Variants in CSMD1 observed in about 807,000 individuals in gnomAD.
The protein encoded by CSMD1 is CUB and sushi domain-containing protein 1.
Under a neutral mutation model 417.5 loss-of-function variants are expected in CSMD1, and 213 were observed. That is an observed-to-expected ratio of 0.51 (90% CI 0.46 to 0.57). CSMD1 has a LOEUF of 0.57. CSMD1 is among the 20% of genes least tolerant of loss of function. The probability of loss-of-function intolerance (pLI) is 0.00; values close to 1 mark genes in which losing one functional copy is unlikely to be tolerated. For synonymous variants in CSMD1, 2,862 were observed against 1,736.8 expected, an observed-to-expected ratio of 1.65 and a Z score of -16.11; for missense variants, 6,923 against 4,529.7, an observed-to-expected ratio of 1.53 and a Z score of -15.17.
chr8:4,556,636 T>C, intron 2 of CSMD1, among the ~76,000 whole-genome samples: 1 of 152,224 alleles, frequency 6.6e-6, no homozygotes, highest in South Asian at 2.1e-4. Flanking sequence ...TCCCATAAAG[T>C]GTTTAATAGG....
chr8:4,827,285 TG>T (rs1799889582), intron 1 of CSMD1, among the ~76,000 whole-genome samples: 1 of 152,136 alleles, frequency 6.6e-6, no homozygotes, highest in African/African-American at 2.4e-5. Flanking sequence ...TCATTACTCA[TG>T]TTTCAAGCAG....
rs868608300 is a variant in CSMD1, at chr8:3,524,508, G to C, written c.1345-30782C>G. Among the ~76,000 whole-genome samples the C allele has an allele frequency of 3.0e-5, 4 of 133,626 alleles. No individual in the cohort carries two copies. The South Asian group carries it at 1.1e-3, about 36-fold the overall frequency. The allele number at this position is 133,626 out of a possible 152,430, so 87.7% of individuals were successfully genotyped here. A position where few individuals can be genotyped will look rare whatever the true frequency, so the allele number is the denominator to read the frequency against. On this transcript the variant is annotated intron_variant, in intron 10 of 69. Transcript: ENST00000635120. ...GCACACACAAGTACACACATGCACAGATGCACACATGCAAAGACATACGCA... is the reference window on the plus strand; with the variant it reads ...GCACACACAAGTACACACATGCACACATGCACACATGCAAAGACATACGCA...
intron 12 of CSMD1, among the ~76,000 whole-genome samples, chr8:3,455,545 C>T (rs547229301): frequency 6.6e-6 from 1 of 152,354 alleles, no homozygotes; most frequent in Admixed American, 6.5e-5. Context: ...GGACCCTCAG[C>T]TGCAGGTCTG....
intron 62 of CSMD1, among the ~76,000 whole-genome samples, chr8:2,958,361 A>C (rs76199589): frequency 0.025 from 3,838 of 152,318 alleles, 182 homozygotes; most frequent in African/African-American, 0.087. Context: ...CTTAAACTGC[A>C]CATCCGCTGC....
Position 3,308,732 on chromosome 8 carries a change from G to GTTTTTTTTTT in CSMD1, c.3632-239_3632-230dup, listed in dbSNP as rs5888961. ...CTTATTTGTTCCTCCCTACTTACAAGTTTTTTTTTTTTTTTTTTTTTGCTT... is the reference window on the plus strand; with the variant it reads ...CTTATTTGTTCCTCCCTACTTACAAGTTTTTTTTTTTTTTTTTTTTTTTTTTTTTTTGCTT... On this transcript the variant is annotated intron_variant, in intron 23 of 69. Coordinates refer to ENST00000635120, the MANE Select transcript of CSMD1 (RefSeq NM_033225.6). Among the ~76,000 whole-genome samples, 14 of 108,926 alleles carry GTTTTTTTTTT rather than the reference G, an allele frequency of 1.3e-4. 1 individual carries two copies. The highest frequency in any genetic ancestry group is 3.3e-4 in the East Asian group (1 of 3,044). 71.5% of individuals were successfully genotyped at this position (108,926 alleles called of 152,430 possible). A position where few individuals can be genotyped will look rare whatever the true frequency, so the allele number is the denominator to read the frequency against.
chr8:3,720,923 C>G (rs1458762855), intron 6 of CSMD1, among the ~76,000 whole-genome samples: 2 of 152,072 alleles, frequency 1.3e-5, no homozygotes, highest in Admixed American at 1.3e-4. Flanking sequence ...TCAAGTGTTT[C>G]TCCTGCCTCA....
At chr8:4,462,004 T>C (rs1024827154) in intron 2 of CSMD1, among the ~76,000 whole-genome samples, 2 of 152,004 alleles carry the variant, frequency 1.3e-5, no homozygotes, top group Middle Eastern at 3.4e-3. Context: ...GCCTCCCAAA[T>C]TGCTGGGATT....
At chr8:4,797,997 C>G (rs569571752) in intron 1 of CSMD1, among the ~76,000 whole-genome samples, 4 of 152,180 alleles carry the variant, frequency 2.6e-5, no homozygotes, top group Non-Finnish European at 5.9e-5. Context: ...ATTATTCCAG[C>G]CAAAATCTCG....
intron 5 of CSMD1, among the ~76,000 whole-genome samples, chr8:3,978,395 G>C (rs1397572240): frequency 1.3e-5 from 2 of 152,042 alleles, no homozygotes; most frequent in Non-Finnish European, 2.9e-5. Context: ...ATAATTCATA[G>C]ATTTCTTCCA....
chr8:4,065,861 T>C (rs1212270394), intron 3 of CSMD1, among the ~76,000 whole-genome samples: 1 of 152,230 alleles, frequency 6.6e-6, no homozygotes, highest in African/African-American at 2.4e-5. Flanking sequence ...CACCCAAAGT[T>C]TTCCTTCACT....
chr8:4,118,942 G>C (rs977401868), intron 3 of CSMD1, among the ~76,000 whole-genome samples: 1 of 152,160 alleles, frequency 6.6e-6, no homozygotes, highest in Non-Finnish European at 1.5e-5. Context: ...TCCTTTGGGG[G>C]GACATGGGTG....
chr8:4,307,886 G>T (rs1350791972), intron 3 of CSMD1, among the ~76,000 whole-genome samples: 3 of 152,188 alleles, frequency 2.0e-5, no homozygotes, highest in Non-Finnish European at 2.9e-5. Flanking sequence ...GTTCAGTAGA[G>T]AGGAGGCAGC....
intron 2 of CSMD1, among the ~76,000 whole-genome samples, chr8:4,481,624 T>C (rs967790526): frequency 1.3e-5 from 2 of 152,178 alleles, no homozygotes; most frequent in Non-Finnish European, 2.9e-5. Flanking sequence ...CTTTAACACA[T>C]GAGGAAATAA....
At chr8:3,233,192 A>G (rs1355149928) in intron 26 of CSMD1, among the ~76,000 whole-genome samples, 3 of 152,160 alleles carry the variant, frequency 2.0e-5, no homozygotes, top group Admixed American at 6.5e-5. Context: ...AATGTAATCA[A>G]TATGGTCATA....
In CSMD1 at chr8:4,069,316, A is replaced by T. The variant is rs949723084; in HGVS notation, c.416-37217T>A. ...ATTTTTTGACCATTTTTAAAAACTG[A>T]AAGTCAACAAAATTCCAACTCTTAT... On this transcript the variant is annotated intron_variant, in intron 3 of 69. Coordinates refer to ENST00000635120, the MANE Select transcript of CSMD1 (RefSeq NM_033225.6). 1.3e-5 allele frequency among the ~76,000 whole-genome samples: 2 copies of T among 152,316 alleles called. 1 individual carries two copies. Among genetic ancestry groups the T allele is most frequent in the East Asian group, 3.9e-4 (2 of 5,190 alleles).
chr8:4,858,619 C>T (rs985840538), intron 1 of CSMD1, among the ~76,000 whole-genome samples: 3 of 151,952 alleles, frequency 2.0e-5, no homozygotes, highest in Non-Finnish European at 2.9e-5. Flanking sequence ...TATACACCAA[C>T]AACAGACAAA....
Position 3,590,638 on chromosome 8 carries a change from T to G in CSMD1, c.1098-4378A>C, listed in dbSNP as rs143079757. ...GCAAATTATCGGAAAAAGCCATCAA[T>G]AGAATATGGAAGCTTCTCTAATTTC... On this transcript the variant is annotated intron_variant, in intron 8 of 69. Transcript: ENST00000635120. Among the ~76,000 whole-genome samples the G allele has an allele frequency of 2.6e-5, 4 of 152,248 alleles. No homozygotes were observed. In the East Asian group the frequency reaches 7.7e-4, roughly 29 times the overall value.
chr8:3,184,166 T>G (rs527408553), intron 36 of CSMD1, among the ~76,000 whole-genome samples: 1 of 152,320 alleles, frequency 6.6e-6, no homozygotes, highest in East Asian at 1.9e-4. Flanking sequence ...CAAGAGGCTC[T>G]GTATCATAGG....
chr8:4,807,904 T>C (rs1222085333), intron 1 of CSMD1, among the ~76,000 whole-genome samples: 5 of 152,136 alleles, frequency 3.3e-5, no homozygotes, highest in Admixed American at 2.6e-4. Context: ...ATGAGGGAAG[T>C]ACAAGCTCTC....
Sources: allele counts gnomAD v4.1 joint callset (sites outside exome capture counted in the v4.1 genomes callset), GRCh38; gene constraint gnomAD v4.1.1; transcripts MANE v1.5; gene names NCBI Gene and HGNC (gene_info 2026-07-23, HGNC 2026-07-21).